Variants in LINGO2 observed in about 807,000 individuals in gnomAD.
The protein encoded by LINGO2 is leucine rich repeat and Ig domain containing 2.
LINGO2 carries 14 observed loss-of-function variants against 30.6 expected under a neutral mutation model. The ratio of observed to expected loss-of-function variants is 0.46; its 90% confidence interval spans 0.30 to 0.72. LINGO2 has a LOEUF of 0.72. Among genes scored for constraint, LINGO2 ranks in the 30% least tolerant of loss-of-function variants. LINGO2 has a pLI of 0.07. For synonymous variants in LINGO2, 317 were observed against 288.5 expected (o/e 1.10, Z -1.00); for missense variants, 729 against 751.7 (o/e 0.97, Z 0.35).
At chr9:28,537,684 T>A (rs1235729154) in intron 1 of LINGO2, among the ~76,000 whole-genome samples, 1 of 151,914 alleles carries the variant, frequency 6.6e-6, no homozygotes, top group East Asian at 1.9e-4. Flanking sequence ...GACGTAAAGA[T>A]AATAGAAGTG....
At chr9:29,117,098 G>T in the LINGO2 span, among the ~76,000 whole-genome samples, 5 of 152,094 alleles carry the variant, frequency 3.3e-5, no homozygotes, top group Non-Finnish European at 5.9e-5. Context: ...AAGTGGTATG[G>T]CATCTGGCAC....
intron 3 of LINGO2, 33 bp from the exon 6 acceptor site, chr9:28,295,399 TGA>T (rs1823886221): frequency 6.6e-6 from 1 of 152,564 alleles, no homozygotes; most frequent in African/African-American, 2.4e-5. Flanking sequence ...CCATTTTAAT[TGA>T]AAAATAGTGA....
chr9:29,137,147 C>CT, the LINGO2 span, among the ~76,000 whole-genome samples: 1 of 152,096 alleles, frequency 6.6e-6, no homozygotes, highest in South Asian at 2.1e-4. Flanking sequence ...TTCCCCTTCA[C>CT]TTGATGTTTT....
chr9:29,102,674 A>G, the LINGO2 span, among the ~76,000 whole-genome samples: 1 of 152,164 alleles, frequency 6.6e-6, no homozygotes, highest in Non-Finnish European at 1.5e-5. Context: ...TAGGGTCTGA[A>G]GAGAATAGTG....
the LINGO2 span, among the ~76,000 whole-genome samples, chr9:28,991,958 T>C: frequency 5.9e-3 from 894 of 152,182 alleles, 8 homozygotes; most frequent in African/African-American, 0.021. Context: ...CTGCATCAAC[T>C]AACGAGCAAA....
chr9:28,419,130 T>G (rs1823086491), intron 2 of LINGO2, among the ~76,000 whole-genome samples: 1 of 152,128 alleles, frequency 6.6e-6, no homozygotes, highest in Non-Finnish European at 1.5e-5. Context: ...TAGTCTTTTA[T>G]GTTACTTTTA....
At chr9:28,744,639 T>TGTGTGTGTGTGTGTGTGTGTGTG in the LINGO2 span, among the ~76,000 whole-genome samples, 6 of 141,536 alleles carry the variant, frequency 4.2e-5, no homozygotes, top group Admixed American at 7.0e-5. Context: ...TGTGTGTGTG[T>TGTGTGTGTGTGTGTGTGTGTGTG]ATTTTTTTTT....
chr9:28,233,307 T>C (rs1821440626), intron 4 of LINGO2, among the ~76,000 whole-genome samples: 1 of 151,926 alleles, frequency 6.6e-6, no homozygotes, highest in Non-Finnish European at 1.5e-5. Context: ...TAAACATACA[T>C]TTACTTCCTA....
intron 4 of LINGO2, among the ~76,000 whole-genome samples, chr9:28,217,676 C>T (rs1196887319): frequency 6.6e-6 from 1 of 151,966 alleles, no homozygotes; most frequent in Admixed American, 6.6e-5. Flanking sequence ...CCAAAATAGC[C>T]TTCACATTCT....
chr9:28,615,672 T>A (rs1826104623), intron 1 of LINGO2, among the ~76,000 whole-genome samples: 1 of 152,150 alleles, frequency 6.6e-6, no homozygotes, highest in Non-Finnish European at 1.5e-5. Flanking sequence ...AATAAACCAA[T>A]ATATGCCATT....
the LINGO2 span, among the ~76,000 whole-genome samples, chr9:28,760,618 C>T: frequency 6.6e-6 from 1 of 151,858 alleles, no homozygotes; most frequent in Non-Finnish European, 1.5e-5. Context: ...CAGCAGTGTA[C>T]ATTGCACCAT....
chr9:28,190,725 G>A lies in LINGO2; in HGVS notation c.-87+104483C>T, dbSNP rs73645609. On this transcript the variant is annotated intron_variant, in intron 4 of 5. Transcript: ENST00000379992. Reference sequence around the variant, plus strand: ...CTATGGTATTTTGTTAAACCAGCCCGGACATTCTTTGTGGTTTTCTGTTCA... The same window carrying A: ...CTATGGTATTTTGTTAAACCAGCCCAGACATTCTTTGTGGTTTTCTGTTCA... Among the ~76,000 whole-genome samples, 490 of 152,130 alleles carry A rather than the reference G, an allele frequency of 3.2e-3. 2 individuals are homozygous for A. Among genetic ancestry groups the A allele is most frequent in the African/African-American group, 0.011 (447 of 41,520 alleles).
intron 4 of LINGO2, among the ~76,000 whole-genome samples, chr9:28,158,213 C>G (rs1275528517): frequency 6.6e-6 from 1 of 152,174 alleles, no homozygotes; most frequent in East Asian, 1.9e-4. Flanking sequence ...AGAGCTTGCG[C>G]AGGGAAATTC....
intron 3 of LINGO2, among the ~76,000 whole-genome samples, chr9:28,344,231 A>C (rs2134404673): frequency 6.6e-6 from 1 of 152,184 alleles, no homozygotes; most frequent in East Asian, 1.9e-4. Flanking sequence ...CTTTTTCTAT[A>C]AGAATGAGGA....
the LINGO2 span, among the ~76,000 whole-genome samples, chr9:28,714,509 T>C: frequency 3.9e-5 from 6 of 152,054 alleles, no homozygotes; most frequent in Admixed American, 3.9e-4. Flanking sequence ...GCAATGCTGA[T>C]TGTCACGTGT....
chr9:28,415,415 C>A (rs1263086386), intron 2 of LINGO2, among the ~76,000 whole-genome samples: 5 of 152,140 alleles, frequency 3.3e-5, no homozygotes, highest in Non-Finnish European at 7.4e-5. Context: ...TGATCAATGG[C>A]ATCCCATTAT....
At chr9:29,113,460 A>G in the LINGO2 span, among the ~76,000 whole-genome samples, 3 of 151,838 alleles carry the variant, frequency 2.0e-5, no homozygotes, top group South Asian at 4.2e-4. Flanking sequence ...ATCCATGTCA[A>G]TTTTGGAGGA....
intron 5 of LINGO2, among the ~76,000 whole-genome samples, chr9:27,985,024 A>G (rs1427749881): frequency 7.7e-6 from 1 of 129,266 alleles, no homozygotes; most frequent in East Asian, 2.3e-4. Flanking sequence ...GACAAAAATA[A>G]TTAGACACGT....
rs1822705726 is a variant in LINGO2, at chr9:28,556,505, A to T, written c.-364-80480T>A. ...CTCAACGACATAAAAGAGGATACAAACAAATGGAAGAATATTCCATGCTCA... is the reference window on the plus strand; with the variant it reads ...CTCAACGACATAAAAGAGGATACAATCAAATGGAAGAATATTCCATGCTCA... On this transcript the variant is annotated intron_variant, in intron 1 of 5. Transcript: ENST00000379992. Among the ~76,000 whole-genome samples the T allele has an allele frequency of 2.0e-5, 3 of 152,248 alleles. No homozygotes were observed. The South Asian group carries it at 6.2e-4, about 32-fold the overall frequency.
Sources: gnomAD v4.1 joint callset for allele counts (sites outside exome capture counted in the v4.1 genomes callset) on GRCh38, gnomAD v4.1.1 for gene constraint, MANE v1.5 for transcripts, NCBI Gene and HGNC (gene_info 2026-07-23, HGNC 2026-07-21) for gene names.